The following MTMR10 variants were observed in gnomAD, a reference collection of about 807,000 sequenced individuals.
MTMR10 encodes myotubularin related protein 10, also known as myotubularin-related protein 10.
In MTMR10, 56 loss-of-function variants were observed where a neutral mutation model predicts 88.1. That is an observed-to-expected ratio of 0.64 (90% CI 0.51 to 0.79). The LOEUF is 0.79. Ranked by LOEUF, MTMR10 falls within the 30% of genes least tolerant of loss-of-function variation. The pLI is 0.00. For synonymous variants in MTMR10, 380 were observed against 340.9 expected (o/e 1.11, Z -1.26); for missense variants, 883 against 924.7 (o/e 0.95, Z 0.58).
Position 30,975,100 on chromosome 15 carries a change from C to G in MTMR10, c.259-97G>C. The G allele has an allele frequency of 9.8e-6, 9 of 917,388 alleles. No individual in the cohort carries two copies. In the Middle Eastern group the frequency reaches 1.3e-3, roughly 137 times the overall value. 56.8% of individuals were successfully genotyped at this position (917,388 alleles called of 1,614,324 possible). ...TGTGATGATAAACTGTGACAGTTAT[C>G]TCTAAAAAGCACAAAAAGCTTTTGT... On this transcript the variant is annotated intron_variant, in intron 3 of 15. Coordinates refer to ENST00000435680, the MANE Select transcript of MTMR10 (RefSeq NM_017762.3).
chr15:30,934,060 G>A (rs896608773), downstream of MTMR10, among the ~76,000 whole-genome samples: 1 of 152,000 alleles, frequency 6.6e-6, no homozygotes, highest in African/African-American at 2.4e-5. Context: ...TTCTTCTTGC[G>A]TTTCTATCAC....
the MTMR10 span, among the ~76,000 whole-genome samples, chr15:30,926,280 G>T: frequency 1.6e-4 from 25 of 152,310 alleles, no homozygotes; most frequent in African/African-American, 5.8e-4. Flanking sequence ...GTTCTCTCCT[G>T]CCCCTTCCCT....
chr15:30,944,583 AAT>A (rs1198689691), intron 14 of MTMR10, among the ~76,000 whole-genome samples: 13 of 151,288 alleles, frequency 8.6e-5, no homozygotes, highest in African/African-American at 1.7e-4. Flanking sequence ...AAAAAAAAAA[AAT>A]TTTAGTTACT....
At chr15:30,934,581 A>G (rs1050519716), downstream of MTMR10, among the ~76,000 whole-genome samples, 1 of 152,156 alleles carries the variant, frequency 6.6e-6, no homozygotes, top group Non-Finnish European at 1.5e-5. Flanking sequence ...GGGTTCCACC[A>G]TGTTGCCCAG....
the MTMR10 span, among the ~76,000 whole-genome samples, chr15:30,921,501 G>A: frequency 1.3e-5 from 2 of 152,124 alleles, no homozygotes; most frequent in Non-Finnish European, 2.9e-5. Context: ...TCCAGACCAG[G>A]CATGGTCAAA....
At chr15:30,960,643 A>G (rs1291651721) in intron 7 of MTMR10, among the ~76,000 whole-genome samples, 1 of 152,248 alleles carries the variant, frequency 6.6e-6, no homozygotes, top group Admixed American at 6.5e-5. Context: ...TACAAGATAT[A>G]ATGCAATAAA....
intron 2 of MTMR10, among the ~76,000 whole-genome samples, chr15:30,986,234 T>C (rs1005118447): frequency 6.6e-6 from 1 of 152,026 alleles, no homozygotes; most frequent in African/African-American, 2.4e-5. Flanking sequence ...TGAGGATCAC[T>C]CGAGCCCAGG....
chr15:30,932,634 C>T, the MTMR10 span, among the ~76,000 whole-genome samples: 2 of 151,862 alleles, frequency 1.3e-5, no homozygotes, highest in Non-Finnish European at 2.9e-5. Context: ...TTCTTGATTG[C>T]GCTTTGCTAG....
At chr15:30,985,366 G>A (rs1475819130) in intron 2 of MTMR10, among the ~76,000 whole-genome samples, 1 of 152,216 alleles carries the variant, frequency 6.6e-6, no homozygotes, top group Non-Finnish European at 1.5e-5. Context: ...TACTTCACTA[G>A]AGAACTCCCT....
chr15:30,958,799 G>T, intron 9 of MTMR10, 64 bp downstream of exon 9: 1 of 1,512,312 alleles, frequency 6.6e-7, no homozygotes, highest in Non-Finnish European at 9.2e-7. Context: ...AATTAGTAGG[G>T]AACTCACTGT....
rs1595911300 is a variant in MTMR10, at chr15:30,947,190, C to G, written c.1488G>C (p.Arg496=). Residue 496 remains arginine, a synonymous_variant, in exon 14 of 16, where the codon CGG becomes CGC. Coordinates refer to ENST00000435680, the MANE Select transcript of MTMR10 (RefSeq NM_017762.3). ...TYLAVLYDST[R]ISLFGTFLFN... ...ACAGGAAGGTGCCAAACAGTGAGAT[C>G]CGGGTGCTGTCATACAACACTGCCA... The G allele has an allele frequency of 6.2e-7, 1 of 1,613,930 alleles. No homozygotes were observed. The highest frequency in any genetic ancestry group is 8.5e-7 in the Non-Finnish European group (1 of 1,179,868).
chr15:30,922,953 C>T, the MTMR10 span, among the ~76,000 whole-genome samples: 1 of 152,196 alleles, frequency 6.6e-6, no homozygotes, highest in Non-Finnish European at 1.5e-5. Context: ...CGGGTGAGGC[C>T]GCAGAGCCTG....
chr15:30,962,043 C>G (rs2063408943), intron 6 of MTMR10, among the ~76,000 whole-genome samples: 1 of 152,174 alleles, frequency 6.6e-6, no homozygotes, highest in Non-Finnish European at 1.5e-5. Flanking sequence ...TTAGAAAATT[C>G]TTGGTTTCCT....
chr15:30,947,524 T>C lies in MTMR10; in HGVS notation c.1378-224A>G, dbSNP rs139870280. Reference sequence around the variant, plus strand: ...TTATTTGCCCAGTACATGTAACAAGTTGAAACAGCAAAGCACACAGTTGAG... The same window carrying C: ...TTATTTGCCCAGTACATGTAACAAGCTGAAACAGCAAAGCACACAGTTGAG... On this transcript the variant is annotated intron_variant, in intron 13 of 15. Coordinates refer to ENST00000435680, the MANE Select transcript of MTMR10 (RefSeq NM_017762.3). Among the ~76,000 whole-genome samples, 1,078 of 152,310 alleles carry C rather than the reference T, an allele frequency of 7.1e-3. 7 individuals carry two copies. Among genetic ancestry groups the C allele is most frequent in the South Asian group, 0.022 (105 of 4,828 alleles).
In MTMR10 at chr15:30,941,795, A is replaced by G; in HGVS notation, c.2009T>C (p.Ile670Thr). Residue 670 changes from isoleucine to threonine, a missense_variant, in exon 16 of 16, where the codon ATC (isoleucine) becomes ACC (threonine). Physicochemically the swap from Ile to Thr is moderately conservative, Grantham distance 89 (BLOSUM62 -1). This residue lies in a region of MTMR10 where 343 missense variants were observed against 323.2 expected (regional missense o/e 1.06). Coordinates refer to ENST00000435680, the MANE Select transcript of MTMR10 (RefSeq NM_017762.3). The stretch of plus-strand genomic sequence containing the variant: ...GGCTGTGATGGAGCCACCCAGGCTG[A>G]TCTGGGCCTCGGGAACCCAGCGGAA... ...CYFRWVPEAQ[I>T]SLGGSITAFH... The G allele has an allele frequency of 6.2e-7, 1 of 1,614,024 alleles. No homozygotes were observed. The highest frequency in any genetic ancestry group is 8.5e-7 in the Non-Finnish European group (1 of 1,179,884).
At chr15:30,927,669 G>A in the MTMR10 span, 1 of 985,636 alleles carries the variant, frequency 1.0e-6, no homozygotes, top group Non-Finnish European at 1.2e-6. Context: ...GTCAGGATGG[G>A]GGTCTGGTGG....
the MTMR10 span, among the ~76,000 whole-genome samples, chr15:30,929,819 T>TATAATATAATATATAAAATATATAA: frequency 1.6e-4 from 7 of 44,376 alleles, 1 homozygote; most frequent in Admixed American, 4.1e-4. Flanking sequence ...ATATAATATA[T>TATAATATAATATATAAAATATATAA]TATATCATAT....
intron 11 of MTMR10, 136 bp downstream of exon 11, chr15:30,953,426 T>C (rs2063278384): frequency 1.5e-6 from 1 of 661,486 alleles, no homozygotes; most frequent in South Asian, 2.1e-5. Flanking sequence ...TGTACTCTAG[T>C]TACGAGATGT....
rs747689761 is a variant in MTMR10 at position 30,974,428 on chromosome 15, G to C, written c.360C>G (p.Val120=). The part of the protein sequence containing the change: ...TVNDHKRKQK[V]LGPNQKLKFN... ...ATTTCAGTTTCTGGTTGGGGCCTAG[G>C]ACTTTCTGCTTCCTCTTGTGGTCGT... is the stretch of plus-strand genomic sequence containing the variant. The change falls in exon 5 of 16, where the codon GTC becomes GTG. Residue 120 remains valine, a synonymous_variant. Transcript: ENST00000435680. The C allele has an allele frequency of 2.3e-5, 37 of 1,575,042 alleles. No homozygotes were observed. Among genetic ancestry groups the C allele is most frequent in the Non-Finnish European group, 3.1e-5 (36 of 1,158,538 alleles).
Sources: gnomAD v4.1 joint callset for allele counts (sites outside exome capture counted in the v4.1 genomes callset) on GRCh38, gnomAD v4.1.1 for gene constraint, gnomAD v4.1.1 regional missense constraint, MANE v1.5 for transcripts, NCBI Gene and HGNC (gene_info 2026-07-23, HGNC 2026-07-21) for gene names.